TAMM41: variants seen among roughly 807,000 people sequenced by gnomAD.
The protein encoded by TAMM41 is TAM41 mitochondrial translocator assembly and maintenance homolog, also known as phosphatidate cytidylyltransferase, mitochondrial.
A neutral mutation model predicts 44.1 loss-of-function variants in TAMM41; 36 were observed. The ratio of observed to expected loss-of-function variants is 0.82; its 90% CI spans 0.63 to 1.08. The LOEUF is 1.08. Ranked by LOEUF, TAMM41 falls within the 50% of genes least tolerant of loss-of-function variation. TAMM41 has a pLI of 0.00. For synonymous variants in TAMM41, 164 were observed against 153.1 expected, an observed-to-expected ratio of 1.07 and a Z score of -0.53; for missense variants, 417 against 404.3, an observed-to-expected ratio of 1.03 and a Z score of -0.27.
intron 3 of TAMM41, among the ~76,000 whole-genome samples, chr3:11,831,685 C>A (rs2078987527): frequency 6.6e-6 from 1 of 152,172 alleles, no homozygotes; most frequent in African/African-American, 2.4e-5. Context: ...GAGAATGCTG[C>A]AGTATTCCAA....
chr3:11,846,417 C>A, intron 1 of TAMM41, 85 bp downstream of exon 1: 1 of 1,498,400 alleles, frequency 6.7e-7, no homozygotes, highest in Non-Finnish European at 9.2e-7. Flanking sequence ...AGCGGACAGG[C>A]AGCTCTCCGA....
At chr3:11,841,241 C>T (rs1379082310) in intron 2 of TAMM41, among the ~76,000 whole-genome samples, 1 of 151,916 alleles carries the variant, frequency 6.6e-6, no homozygotes, top group African/African-American at 2.4e-5. Flanking sequence ...CACCATCACA[C>T]CTGACTAATT....
the TAMM41 span, among the ~76,000 whole-genome samples, chr3:11,733,516 G>A: frequency 8.8e-5 from 13 of 148,558 alleles, no homozygotes; most frequent in Admixed American, 2.0e-4. Flanking sequence ...TTTTTGAGAC[G>A]GAGTCTCGCT....
intron 4 of TAMM41, among the ~76,000 whole-genome samples, chr3:11,827,309 CTTTT>C (rs11353823): frequency 7.0e-6 from 1 of 142,066 alleles, no homozygotes; most frequent in Admixed American, 7.0e-5. Context: ...CTTTTCTTTT[CTTTT>C]TTTTTTTTTG....
the TAMM41 span, among the ~76,000 whole-genome samples, chr3:11,761,600 C>A: frequency 6.6e-6 from 1 of 152,130 alleles, no homozygotes; most frequent in African/African-American, 2.4e-5. Context: ...TTCTTAGCTT[C>A]CTTTCACAGA....
At chr3:11,845,018 A>G (rs1409842093) in intron 1 of TAMM41, 1 of 456,408 alleles carries the variant, frequency 2.2e-6, no homozygotes, top group East Asian at 6.9e-5. Context: ...AGCACAGGGA[A>G]GGGTAGGGAG....
At chr3:11,758,346 T>C in the TAMM41 span, among the ~76,000 whole-genome samples, 5 of 130,500 alleles carry the variant, frequency 3.8e-5, no homozygotes, top group Admixed American at 3.9e-4. Flanking sequence ...GTTTTTGTTT[T>C]GTATTGTTTT....
the TAMM41 span, among the ~76,000 whole-genome samples, chr3:11,760,546 T>A: frequency 7.1e-6 from 1 of 140,604 alleles, no homozygotes; most frequent in Admixed American, 7.1e-5. Context: ...TACAATTTTT[T>A]GTTTTGTTTT....
chr3:11,778,664 CTA>C, the TAMM41 span, among the ~76,000 whole-genome samples: 1 of 151,640 alleles, frequency 6.6e-6, no homozygotes, highest in Non-Finnish European at 1.5e-5. Flanking sequence ...CGGAAAATGA[CTA>C]TGTGTCTTTT....
chr3:11,735,910 G>A, the TAMM41 span, among the ~76,000 whole-genome samples: 5 of 152,090 alleles, frequency 3.3e-5, no homozygotes, highest in South Asian at 2.1e-4. Flanking sequence ...AGGGCCCAGC[G>A]TGGCTGCAGT....
intron 5 of TAMM41, among the ~76,000 whole-genome samples, chr3:11,814,883 G>C (rs1218504753): frequency 6.6e-6 from 1 of 152,168 alleles, no homozygotes; most frequent in Non-Finnish European, 1.5e-5. Context: ...AGAGTCACTT[G>C]AGCTTGGGAG....
the TAMM41 span, among the ~76,000 whole-genome samples, chr3:11,743,878 T>A: frequency 6.6e-6 from 1 of 152,050 alleles, no homozygotes; most frequent in African/African-American, 2.4e-5. Flanking sequence ...AGACCTAGTA[T>A]CCCCAGCCTC....
the TAMM41 span, among the ~76,000 whole-genome samples, chr3:11,748,674 T>G: frequency 1.3e-5 from 2 of 151,856 alleles, no homozygotes; most frequent in Admixed American, 1.3e-4. Context: ...CCACTGCACC[T>G]GGCCTGTTTT....
the TAMM41 span, among the ~76,000 whole-genome samples, chr3:11,780,308 A>T: frequency 6.6e-6 from 1 of 152,162 alleles, no homozygotes. Flanking sequence ...AGTTCCCTCA[A>T]CACACTGTGT....
At chr3:11,764,641 C>A in the TAMM41 span, among the ~76,000 whole-genome samples, 1 of 151,538 alleles carries the variant, frequency 6.6e-6, no homozygotes, top group Non-Finnish European at 1.5e-5. Context: ...TACAGGTGCC[C>A]GCCACCACGC....
chr3:11,743,586 AC>A, the TAMM41 span, among the ~76,000 whole-genome samples: 1 of 151,648 alleles, frequency 6.6e-6, no homozygotes, highest in Admixed American at 6.6e-5. Flanking sequence ...ACCTGCCTCG[AC>A]CTCTCAAAGT....
chr3:11,761,145 G>A, the TAMM41 span, among the ~76,000 whole-genome samples: 2 of 149,592 alleles, frequency 1.3e-5, no homozygotes, highest in African/African-American at 4.9e-5. Flanking sequence ...TCCAGCTTGG[G>A]TGACAGCAAG....
At chr3:11,781,453 G>A in the TAMM41 span, among the ~76,000 whole-genome samples, 1 of 152,084 alleles carries the variant, frequency 6.6e-6, no homozygotes, top group Non-Finnish European at 1.5e-5. Flanking sequence ...TAAGAGACCC[G>A]GTCAGGTGCG....
the TAMM41 span, among the ~76,000 whole-genome samples, chr3:11,766,322 G>A: frequency 2.6e-5 from 4 of 151,896 alleles, no homozygotes; most frequent in Non-Finnish European, 5.9e-5. Flanking sequence ...GCACCACCAT[G>A]CTCGGTGAAT....
Sources: allele counts gnomAD v4.1 joint callset (sites outside exome capture counted in the v4.1 genomes callset), GRCh38; gene constraint gnomAD v4.1.1; transcripts MANE v1.5; gene names NCBI Gene and HGNC (gene_info 2026-07-23, HGNC 2026-07-21).